The following MAP3K8 variants were observed in gnomAD, a reference collection of about 807,000 sequenced individuals.
MAP3K8 encodes Ewing sarcoma transformant.
MAP3K8 carries 22 observed loss-of-function variants against 45.8 expected under a neutral mutation model. The ratio of observed to expected loss-of-function variants is 0.48; its 90% CI spans 0.34 to 0.69. The LOEUF (loss-of-function observed/expected upper bound fraction) is 0.69, where lower values mean the gene tolerates loss of function less well. MAP3K8 is among the 30% of genes least tolerant of loss of function. The pLI is 0.01. For synonymous variants in MAP3K8, 223 were observed against 214.3 expected (o/e 1.04, Z -0.36); for missense variants, 419 against 585.0 (o/e 0.72, Z 2.93).
chr10:30,441,292 G>A (rs1836098158), intron 3 of MAP3K8, among the ~76,000 whole-genome samples: 1 of 152,094 alleles, frequency 6.6e-6, no homozygotes, highest in Non-Finnish European at 1.5e-5. Context: ...GAGTTGCTGG[G>A]ATTACAGGCC....
chr10:30,451,580 C>A, intron 5 of MAP3K8, 58 bp from the exon 6 acceptor site: 1 of 861,062 alleles, frequency 1.2e-6, no homozygotes, highest in Non-Finnish European at 1.8e-6. Context: ...ATAATGTTTT[C>A]ATTTGACTTA....
intron 3 of MAP3K8, among the ~76,000 whole-genome samples, chr10:30,445,201 A>T (rs1233946713): frequency 1.3e-5 from 2 of 152,178 alleles, no homozygotes; most frequent in Admixed American, 6.5e-5. Context: ...GTTTCAGACC[A>T]GCCTGGCCAA....
chr10:30,460,713 G>A lies in MAP3K8; in HGVS notation c.1281G>A (p.Ser427=), dbSNP rs150841663. ...LELPENIADS[S]CTGSTEESEM... ...TAATGTTTTCCTTTTCAGATTCTTC[G>A]TGCACAGGAAGCACCGAGGAATCTG... is the stretch of plus-strand genomic sequence containing the variant. The change falls in exon 9 of 9, where the codon TCG becomes TCA. Residue 427 remains serine, a synonymous_variant. Coordinates refer to ENST00000263056, the MANE Select transcript of MAP3K8 (RefSeq NM_005204.4). The A allele has an allele frequency of 3.4e-5, 54 of 1,604,094 alleles. No individual in the cohort carries two copies. Among genetic ancestry groups the A allele is most frequent in the African/African-American group, 8.1e-5 (6 of 74,416 alleles).
At chr10:30,435,609 A>G (rs895319951) in intron 1 of MAP3K8, among the ~76,000 whole-genome samples, 6 of 152,170 alleles carry the variant, frequency 3.9e-5, no homozygotes, top group Non-Finnish European at 5.9e-5. Flanking sequence ...CTGGAGCGCA[A>G]TGGCGCGATC....
At position 30,459,286 on chromosome 10, in the gene MAP3K8, T is replaced by A; in HGVS notation, c.1058T>A (p.Ile353Asn). Residue 353 changes from isoleucine to asparagine, a missense_variant, in exon 8 of 9, where the codon ATT (isoleucine) becomes AAT (asparagine). Around this residue, in one of 3 missense-constraint regions of MAP3K8, gnomAD observed 209 missense variants for 367.3 expected, o/e 0.57. Coordinates refer to ENST00000263056, the MANE Select transcript of MAP3K8 (RefSeq NM_005204.4). ...IHKQAPPLED[I>N]ADDCSPGMRE... Reference sequence around the variant, plus strand: ...AAGCAAGCACCTCCACTGGAAGACATTGCAGATGACTGCAGTCCAGGGATG... The same window carrying A: ...AAGCAAGCACCTCCACTGGAAGACAATGCAGATGACTGCAGTCCAGGGATG... 6.2e-7 allele frequency: 1 copy of A among 1,614,146 alleles called. No homozygotes were observed. The highest frequency in any genetic ancestry group is 8.5e-7 in the Non-Finnish European group (1 of 1,180,022).
At chr10:30,460,319 G>A (rs1836891329) in intron 8 of MAP3K8, among the ~76,000 whole-genome samples, 1 of 152,146 alleles carries the variant, frequency 6.6e-6, no homozygotes, top group Admixed American at 6.5e-5. Flanking sequence ...CAGGAGCATT[G>A]AATATGCATA....
chr10:30,435,536 G>A (rs764446552), intron 1 of MAP3K8, among the ~76,000 whole-genome samples: 1 of 151,358 alleles, frequency 6.6e-6, no homozygotes, highest in Non-Finnish European at 1.5e-5. Flanking sequence ...GCACACATAT[G>A]TATATATGTA....
At chr10:30,444,495 A>T (rs8176988) in intron 3 of MAP3K8, among the ~76,000 whole-genome samples, 3,196 of 152,218 alleles carry the variant, frequency 0.021, 43 homozygotes, top group Middle Eastern at 0.037. Flanking sequence ...ATTAAATTAA[A>T]TACAGGGGAT....
chr10:30,439,508 A>G (rs551192895), intron 3 of MAP3K8: 2 of 954,494 alleles, frequency 2.1e-6, no homozygotes, highest in Non-Finnish European at 3.0e-6. Flanking sequence ...ACAAATAGGT[A>G]ATTAAGAAGA....
chr10:30,439,816 A>G (rs920877916), intron 3 of MAP3K8, among the ~76,000 whole-genome samples: 10 of 152,244 alleles, frequency 6.6e-5, no homozygotes, highest in African/African-American at 2.4e-4. Flanking sequence ...CTCAACAACA[A>G]CAAAGAAGAA....
intron 3 of MAP3K8, 73 bp downstream of exon 3, chr10:30,439,347 G>A (rs1292563744): frequency 8.2e-6 from 13 of 1,576,262 alleles, no homozygotes; most frequent in Non-Finnish European, 1.1e-5. Flanking sequence ...ATGCAGAGTG[G>A]TGTTTGAATT....
At chr10:30,452,687 G>C (rs1836592336) in intron 6 of MAP3K8, among the ~76,000 whole-genome samples, 1 of 151,656 alleles carries the variant, frequency 6.6e-6, no homozygotes, top group Non-Finnish European at 1.5e-5. Flanking sequence ...GTGTGTTTTT[G>C]TTTTTGTTTT....
chr10:30,458,272 G>GT (rs1554774882), intron 7 of MAP3K8, 36 bp downstream of exon 7: 3 of 1,365,362 alleles, frequency 2.2e-6, no homozygotes, highest in Non-Finnish European at 2.9e-6. Flanking sequence ...GGGCGGCGGG[G>GT]GGGGGCGTTG....
intron 1 of MAP3K8, among the ~76,000 whole-genome samples, chr10:30,436,564 G>T (rs933101161): frequency 6.6e-6 from 1 of 151,944 alleles, no homozygotes; most frequent in Non-Finnish European, 1.5e-5. Flanking sequence ...AGACTTTTCT[G>T]CAGGGTTTAA....
chr10:30,440,728 T>C (rs8176972), intron 3 of MAP3K8, among the ~76,000 whole-genome samples: 5,319 of 152,290 alleles, frequency 0.035, 158 homozygotes, highest in Non-Finnish European at 0.049. Flanking sequence ...TATATATATG[T>C]CTATACCGAG....
Position 30,458,272 on chromosome 10 carries a change from G to GGC in MAP3K8, c.1026+37_1026+38insCG, listed in dbSNP as rs753493659. The GGC allele has an allele frequency of 4.9e-5, 67 of 1,365,364 alleles. 6 individuals carry two copies. The highest frequency in any genetic ancestry group is 8.2e-5 in the East Asian group (3 of 36,538). 84.6% of individuals were successfully genotyped at this position (1,365,364 alleles called of 1,614,324 possible). A position where few individuals can be genotyped will look rare whatever the true frequency, so the allele number is the denominator to read the frequency against. ...TTCAACCAGGGCTGGGGGCGGCGGG[G>GGC]GGGGGCGTTGAGTTATGCATCCCGC... On this transcript the variant is annotated intron_variant, in intron 7 of 8. Transcript: ENST00000263056.
At chr10:30,437,757 G>C (rs191813096) in intron 2 of MAP3K8, among the ~76,000 whole-genome samples, 40 of 152,340 alleles carry the variant, frequency 2.6e-4, no homozygotes, top group African/African-American at 9.6e-4. Flanking sequence ...GCTCCAGATT[G>C]ATCAGACGTG....
At position 30,434,396 on chromosome 10, in the gene MAP3K8, G is replaced by C; in HGVS notation, c.-255+18G>C. 1.1e-6 allele frequency: 1 copy of C among 944,482 alleles called. No individual in the cohort carries two copies. Among genetic ancestry groups the C allele is most frequent in the East Asian group, 1.2e-4 (1 of 8,630 alleles). 58.5% of individuals were successfully genotyped at this position (944,482 alleles called of 1,614,324 possible). The stretch of plus-strand genomic sequence containing the variant: ...GGCCGCAGGTAATCCAGGGTTGGGG[G>C]TCTCCGGCGTGTCTTTCGGGTCGCG... On this transcript the variant is annotated intron_variant, in intron 1 of 8. Coordinates refer to ENST00000263056, the MANE Select transcript of MAP3K8 (RefSeq NM_005204.4).
At chr10:30,456,791 G>T (rs575427561) in intron 6 of MAP3K8, among the ~76,000 whole-genome samples, 1 of 151,902 alleles carries the variant, frequency 6.6e-6, no homozygotes, top group Non-Finnish European at 1.5e-5. Flanking sequence ...TTCCTGCCTC[G>T]GCCTTCCAAA....
Sources: gnomAD v4.1 joint callset for allele counts (sites outside exome capture counted in the v4.1 genomes callset) on GRCh38, gnomAD v4.1.1 for gene constraint, gnomAD v4.1.1 regional missense constraint, MANE v1.5 for transcripts, NCBI Gene and HGNC (gene_info 2026-07-23, HGNC 2026-07-21) for gene names.